TSPAN11: variants seen among roughly 807,000 people sequenced by gnomAD.
TSPAN11 encodes the protein tetraspanin-11.
In TSPAN11, 29 loss-of-function variants were observed where a neutral mutation model predicts 32.9. The observed-to-expected ratio is 0.88, with a 90% CI of 0.66 to 1.20. TSPAN11 has a LOEUF of 1.20. TSPAN11 is among the 50% of genes most tolerant of loss of function. The pLI, the probability that TSPAN11 is intolerant of heterozygous loss-of-function variation, is 0.00. For missense variants in TSPAN11, 283 were observed against 329.1 expected, an observed-to-expected ratio of 0.86 and a Z score of 1.08; for synonymous variants, 140 against 141.3, an observed-to-expected ratio of 0.99 and a Z score of 0.07.
chr12:30,983,581 A>T lies in TSPAN11; in HGVS notation c.702+431A>T, dbSNP rs936675348. ...TGTGTGTGAGTGTGCACGTATCTGCATTCATTCCTTTGTGTGTGCATGTGT... is the reference window on the plus strand; with the variant it reads ...TGTGTGTGAGTGTGCACGTATCTGCTTTCATTCCTTTGTGTGTGCATGTGT... On this transcript the variant is annotated intron_variant, in intron 7 of 7. Transcript: ENST00000546076. Among the ~76,000 whole-genome samples, 9 of 152,024 alleles carry T rather than the reference A, an allele frequency of 5.9e-5. No individual in the cohort carries two copies. The South Asian group carries it at 1.9e-3, about 32-fold the overall frequency.
chr12:30,981,579 C>T lies in TSPAN11; in HGVS notation c.457-953C>T, dbSNP rs1044818235. Among the ~76,000 whole-genome samples the T allele has an allele frequency of 2.3e-5, 3 of 131,910 alleles. No individual in the cohort carries two copies. The East Asian group carries it at 8.8e-4, about 39-fold the overall frequency. 86.5% of individuals were successfully genotyped at this position (131,910 alleles called of 152,430 possible). On this transcript the variant is annotated intron_variant, in intron 5 of 7. Coordinates refer to ENST00000546076, the MANE Select transcript of TSPAN11 (RefSeq NM_001370302.1). ...AGTCCCTGCTCTGTGTGCTGTCATG[C>T]TCTCCTCGACTCCGGGGGCCCCTGT...
chr12:30,930,411 AG>A (rs1284388602), intron 1 of TSPAN11, among the ~76,000 whole-genome samples: 3 of 152,190 alleles, frequency 2.0e-5, no homozygotes, highest in Non-Finnish European at 2.9e-5. Context: ...CGAGAAGGAA[AG>A]GTGTGCAGAG....
At chr12:30,928,847 G>A (rs1361737321) in intron 1 of TSPAN11, among the ~76,000 whole-genome samples, 3 of 152,090 alleles carry the variant, frequency 2.0e-5, no homozygotes, top group Non-Finnish European at 4.4e-5. Context: ...TAGCACTTGC[G>A]ACCTGTCTGA....
At chr12:30,963,750 A>G (rs1592480280) in intron 2 of TSPAN11, 76 bp from the exon 3 acceptor site, 2 of 1,503,380 alleles carry the variant, frequency 1.3e-6, no homozygotes, top group East Asian at 4.5e-5. Context: ...AGTGCCTGGC[A>G]CCCTGTGGGC....
At chr12:31,004,818 A>T in the TSPAN11 span, among the ~76,000 whole-genome samples, 2 of 152,294 alleles carry the variant, frequency 1.3e-5, no homozygotes, top group South Asian at 4.1e-4. Flanking sequence ...AAGCACAGGG[A>T]CCTGCCAGCT....
chr12:30,951,269 A>G (rs55741420), intron 1 of TSPAN11, among the ~76,000 whole-genome samples: 77 of 152,328 alleles, frequency 5.1e-4, no homozygotes, highest in Non-Finnish European at 9.9e-4. Context: ...AATCCTGGCT[A>G]TACCTAGCAG....
chr12:30,950,114 T>C (rs1424478197), intron 1 of TSPAN11, among the ~76,000 whole-genome samples: 2 of 151,400 alleles, frequency 1.3e-5, no homozygotes, highest in African/African-American at 4.9e-5. Flanking sequence ...CCCCCTTCTC[T>C]TTCTTGGACT....
chr12:30,950,040 C>T (rs1169390536), intron 1 of TSPAN11, among the ~76,000 whole-genome samples: 1 of 152,098 alleles, frequency 6.6e-6, no homozygotes, highest in Non-Finnish European at 1.5e-5. Flanking sequence ...CACACACTGC[C>T]TGCCTGATGG....
downstream of TSPAN11, chr12:30,997,519 GGA>G: frequency 6.6e-6 from 1 of 152,568 alleles, no homozygotes; most frequent in Non-Finnish European, 1.5e-5. Flanking sequence ...CATGGCGGCA[GGA>G]GAGAGAGAGT....
intron 1 of TSPAN11, among the ~76,000 whole-genome samples, chr12:30,928,109 C>T (rs184439549): frequency 6.6e-6 from 1 of 152,032 alleles, no homozygotes; most frequent in African/African-American, 2.4e-5. Flanking sequence ...TTATACCCAC[C>T]TTTGGACTCG....
rs60180017 is a variant in TSPAN11 at position 30,957,629 on chromosome 12, A to ATCCC, written c.84+3576_84+3579dup. 1.7e-3 allele frequency among the ~76,000 whole-genome samples: 238 copies of ATCCC among 139,036 alleles called. 1 individual carries two copies. The highest frequency in any genetic ancestry group is 2.6e-3 in the Non-Finnish European group (170 of 66,540). 91.2% of individuals were successfully genotyped at this position (139,036 alleles called of 152,430 possible). ...ATATAAAAGGGGTTGAAATCAATCA[A>ATCCC]TCCCTCCCTCCCTCCCTCCCTCCCT... On this transcript the variant is annotated intron_variant, in intron 2 of 7. Transcript: ENST00000546076.
At chr12:30,948,381 A>G (rs1011202626) in intron 1 of TSPAN11, among the ~76,000 whole-genome samples, 1 of 152,180 alleles carries the variant, frequency 6.6e-6, no homozygotes, top group Non-Finnish European at 1.5e-5. Flanking sequence ...GAGGTTCTCC[A>G]TGAGGGCGCC....
chr12:30,990,699 G>A (rs565734833), intron 7 of TSPAN11, among the ~76,000 whole-genome samples: 2 of 152,308 alleles, frequency 1.3e-5, no homozygotes, highest in South Asian at 2.1e-4. Flanking sequence ...CAGGACACAC[G>A]CATCTCCACC....
chr12:30,978,692 G>C, intron 4 of TSPAN11, 57 bp downstream of exon 4: 1 of 1,578,572 alleles, frequency 6.3e-7, no homozygotes. Context: ...AAGCAATGTG[G>C]GTAGGGAGGT....
chr12:31,013,830 T>C, the TSPAN11 span, among the ~76,000 whole-genome samples: 1 of 152,144 alleles, frequency 6.6e-6, no homozygotes, highest in Non-Finnish European at 1.5e-5. Context: ...ACCTGTGCTG[T>C]CCAGTATGGT....
Position 30,954,054 on chromosome 12 carries a change from TG to T in TSPAN11, c.64del (p.Val22SerfsTer52), listed in dbSNP as rs755771262. On this transcript the variant is annotated frameshift_variant, in exon 2 of 8. Transcript: ENST00000546076. LOFTEE classifies it high-confidence loss of function. ...LIIYLKYLLFVFNFFFWVGGA... is the reference protein window; with the variant it reads ...LIIYLKYLLFXFNFFFWVGGA... ...TCATCTACTTGAAGTATTTACTCTT[TG>T]TCTTCAACTTCTTCTTCTGGGTGAG... is the stretch of plus-strand genomic sequence containing the variant. 2 of 1,613,516 alleles carry T rather than the reference TG, an allele frequency of 1.2e-6. No homozygotes were observed. The highest frequency in any genetic ancestry group is 1.7e-6 in the Non-Finnish European group (2 of 1,179,728).
rs182144343 is a variant in TSPAN11, at chr12:30,991,841, C to G, written c.703-15C>G. ...TCTGATTTCTCTTTGCTCCTCTGCTCTCTCCACCTGGCAGATCTGCGGGAT... is the reference window on the plus strand; with the variant it reads ...TCTGATTTCTCTTTGCTCCTCTGCTGTCTCCACCTGGCAGATCTGCGGGAT... On this transcript the variant is annotated splice_polypyrimidine_tract_variant and intron_variant, in intron 7 of 7. Transcript: ENST00000546076. 5.6e-6 allele frequency: 9 copies of G among 1,614,192 alleles called. No individual in the cohort carries two copies. The highest frequency in any genetic ancestry group is 7.6e-6 in the Non-Finnish European group (9 of 1,180,000).
At position 30,993,711 on chromosome 12, in the gene TSPAN11, T is replaced by C. The variant is rs956254739; in HGVS notation, c.*1796T>C. The C allele has an allele frequency of 2.6e-5, 4 of 152,264 alleles. No individual in the cohort carries two copies. Among genetic ancestry groups the C allele is most frequent in the Non-Finnish European group, 5.9e-5 (4 of 68,058 alleles). 9.4% of individuals were successfully genotyped at this position (152,264 alleles called of 1,614,324 possible). A position where few individuals can be genotyped will look rare whatever the true frequency, so the allele number is the denominator to read the frequency against. ...CATGCAGATAATCAAAAACTGACTA[T>C]GACTCCCAAGTTCTCTGAAGGATGA... On this transcript the variant is annotated 3_prime_UTR_variant, in exon 8 of 8. Coordinates refer to ENST00000546076, the MANE Select transcript of TSPAN11 (RefSeq NM_001370302.1).
intron 7 of TSPAN11, among the ~76,000 whole-genome samples, chr12:30,987,199 G>A (rs1592497617): frequency 6.6e-6 from 1 of 152,216 alleles, no homozygotes; most frequent in Non-Finnish European, 1.5e-5. Context: ...AACTGCACTG[G>A]TAGAAATCAT....
Sources: gnomAD v4.1 joint callset for allele counts (sites outside exome capture counted in the v4.1 genomes callset) on GRCh38, gnomAD v4.1.1 for gene constraint, MANE v1.5 for transcripts, NCBI Gene and HGNC (gene_info 2026-07-23, HGNC 2026-07-21) for gene names.